The following UBXN11 variants were observed in gnomAD, a reference collection of about 807,000 sequenced individuals.
UBXN11 encodes UBX domain-containing protein 11.
In UBXN11, 47 loss-of-function variants were observed where a neutral mutation model predicts 62.8. The ratio of observed to expected loss-of-function variants is 0.75; its 90% CI spans 0.59 to 0.95. UBXN11 has a LOEUF of 0.95. UBXN11 is among the 40% of genes least tolerant of loss of function. The pLI, the probability that UBXN11 is intolerant of heterozygous loss-of-function variation, is 0.00. For synonymous variants in UBXN11, 294 were observed against 267.0 expected (o/e 1.10, Z -0.99); for missense variants, 638 against 661.7 (o/e 0.96, Z 0.39).
chr1:26,305,796 CCCTCTTACGCCATCTTG>C (rs1220483430), intron 1 of UBXN11, among the ~76,000 whole-genome samples: 2 of 152,174 alleles, frequency 1.3e-5, no homozygotes, highest in Non-Finnish European at 2.9e-5. Flanking sequence ...CTCCTTCCTT[CCCTCTTACGCCATCTTG>C]CCTCTTACAT....
intron 4 of UBXN11, among the ~76,000 whole-genome samples, chr1:26,300,142 C>T (rs2124664750): frequency 6.6e-6 from 1 of 152,270 alleles, no homozygotes; most frequent in Admixed American, 6.5e-5. Flanking sequence ...TGGAAGGGGC[C>T]TGAGGGAGAA....
In UBXN11 at chr1:26,312,979, C is replaced by CAAAAAAAAAAAA. The variant is rs55777309; in HGVS notation, c.-149+5056_-149+5067dup. 2.1e-4 allele frequency among the ~76,000 whole-genome samples: 10 copies of CAAAAAAAAAAAA among 48,146 alleles called. 1 individual carries two copies. The highest frequency in any genetic ancestry group is 7.1e-4 in the Admixed American group (2 of 2,820). 31.6% of individuals were successfully genotyped at this position (48,146 alleles called of 152,430 possible). On this transcript the variant is annotated intron_variant, in intron 1 of 14. Coordinates refer to the UBXN11 transcript ENST00000374217. The stretch of plus-strand genomic sequence containing the variant: ...GGGCAACAAGAGCAAAACTCTGTCT[C>CAAAAAAAAAAAA]AAAAAAAAAAAAAAAAAAAAAAAAA...
At position 26,284,268 on chromosome 1, in the gene UBXN11, G is replaced by C. The variant is rs751265338; in HGVS notation, c.974-23C>G. 5.6e-6 allele frequency: 9 copies of C among 1,607,172 alleles called. No homozygotes were observed. In the Admixed American group the frequency reaches 1.4e-4, roughly 24 times the overall value. ...AGCCTACAGGCAGAGTTGGGAACCG[G>C]GGCCCAGGAAGGACTATGAGTGGTG... On this transcript the variant is annotated intron_variant, in intron 11 of 14. Coordinates refer to ENST00000374222, the MANE Select transcript of UBXN11 (RefSeq NM_001389556.1).
intron 8 of UBXN11, among the ~76,000 whole-genome samples, chr1:26,286,844 A>C (rs1173544259): frequency 6.6e-6 from 1 of 152,068 alleles, no homozygotes; most frequent in East Asian, 1.9e-4. Flanking sequence ...GATTACAGGC[A>C]TGAGCCACCA....
chr1:26,301,963 C>A lies in UBXN11; in HGVS notation c.72-241G>T, dbSNP rs12082389. ...ATGGGGAAGGGGTGAAGAGCAGAGT[C>A]TTAGGTGGGAAGACTACAAGGCTTG... On this transcript the variant is annotated intron_variant, in intron 2 of 14. Transcript: ENST00000374222. Among the ~76,000 whole-genome samples, 31 of 152,288 alleles carry A rather than the reference C, an allele frequency of 2.0e-4. No homozygotes were observed. In the South Asian group the frequency reaches 6.4e-3, roughly 32 times the overall value.
chr1:26,289,155 A>T (rs1353681768), intron 8 of UBXN11, among the ~76,000 whole-genome samples: 1 of 152,108 alleles, frequency 6.6e-6, no homozygotes, highest in African/African-American at 2.4e-5. Context: ...ACTGGAGGGC[A>T]CTTCCGAGCT....
Position 26,313,664 on chromosome 1 carries a change from A to C in UBXN11, c.-149+4383T>G, listed in dbSNP as rs530110229. Among the ~76,000 whole-genome samples the C allele has an allele frequency of 3.9e-5, 6 of 152,072 alleles. No homozygotes were observed. In the South Asian group the frequency reaches 1.0e-3, roughly 26 times the overall value. The stretch of plus-strand genomic sequence containing the variant: ...CTTACGATCTTTACTTCACTTCACT[A>C]ATTTTCTCTTCAGTTGTGCCCAATC... On this transcript the variant is annotated intron_variant, in intron 1 of 14. Coordinates refer to the UBXN11 transcript ENST00000374217.
intron 7 of UBXN11, among the ~76,000 whole-genome samples, chr1:26,294,742 A>G (rs1467930743): frequency 5.3e-5 from 8 of 152,118 alleles, no homozygotes; most frequent in Admixed American, 6.5e-5. Context: ...GCTTGGCCGC[A>G]TGTCCCCTCT....
At chr1:26,300,875 G>A (rs1240166604) in intron 4 of UBXN11, 51 bp downstream of exon 4, 1 of 1,613,296 alleles carries the variant, frequency 6.2e-7, no homozygotes, top group African/African-American at 1.3e-5. Flanking sequence ...CCCCGTCTCT[G>A]GGGCCCCCTC....
chr1:26,303,840 G>A (rs985581555), intron 1 of UBXN11, among the ~76,000 whole-genome samples: 11 of 152,158 alleles, frequency 7.2e-5, no homozygotes, highest in Admixed American at 2.0e-4. Flanking sequence ...ACTGAAAAAT[G>A]TGAGTTGGGG....
intron 7 of UBXN11, among the ~76,000 whole-genome samples, chr1:26,295,388 C>T (rs1484098326): frequency 6.6e-6 from 1 of 152,180 alleles, no homozygotes; most frequent in African/African-American, 2.4e-5. Flanking sequence ...CTCACCCACA[C>T]CACCCAACCC....
At chr1:26,312,385 A>T (rs150537990) in intron 1 of UBXN11, among the ~76,000 whole-genome samples, 2,137 of 152,002 alleles carry the variant, frequency 0.014, 53 homozygotes, top group African/African-American at 0.049. Flanking sequence ...TGAGTAGCTG[A>T]GATTACAGGT....
At chr1:26,284,981 A>G (rs760373019) in intron 10 of UBXN11, 13 of 1,001,126 alleles carry the variant, frequency 1.3e-5, no homozygotes, top group Non-Finnish European at 1.5e-5. Context: ...TGCGGCACTA[A>G]CCCACCACCT....
chr1:26,315,088 G>GA (rs935441170), intron 1 of UBXN11, among the ~76,000 whole-genome samples: 13 of 150,412 alleles, frequency 8.6e-5, no homozygotes, highest in East Asian at 5.8e-4. Context: ...GACTCGAGGG[G>GA]AAAAAAAAAG....
chr1:26,294,789 C>T (rs1399008436), intron 7 of UBXN11, among the ~76,000 whole-genome samples: 1 of 152,178 alleles, frequency 6.6e-6, no homozygotes, highest in African/African-American at 2.4e-5. Context: ...CATGTCCACA[C>T]CCCGACTTCT....
chr1:26,294,194 C>A lies in UBXN11; in HGVS notation c.559+11G>T, dbSNP rs776678471. Reference sequence around the variant, plus strand: ...TTTTGAAGAGGGCCTGGGGCAGACGCCCTGCTCTACCTGGCTTCCAGAACT... The same window carrying A: ...TTTTGAAGAGGGCCTGGGGCAGACGACCTGCTCTACCTGGCTTCCAGAACT... On this transcript the variant is annotated intron_variant, in intron 8 of 14. Transcript: ENST00000374222. 29 of 1,613,706 alleles carry A rather than the reference C, an allele frequency of 1.8e-5. No homozygotes were observed. Among genetic ancestry groups the A allele is most frequent in the Non-Finnish European group, 2.5e-5 (29 of 1,179,736 alleles).
At chr1:26,298,980 T>G (rs888670644) in intron 4 of UBXN11, among the ~76,000 whole-genome samples, 1 of 152,140 alleles carries the variant, frequency 6.6e-6, no homozygotes, top group African/African-American at 2.4e-5. Flanking sequence ...GAGCCCCTGA[T>G]GATGTCTTGG....
At position 26,285,462 on chromosome 1, in the gene UBXN11, A is replaced by G; in HGVS notation, c.852+2T>C. Reference sequence around the variant, plus strand: ...GGTGTGGTTTGAGGAGCAGCTTATCACCTTAAAGGGGACCCCATTGGGGTA... The same window carrying G: ...GGTGTGGTTTGAGGAGCAGCTTATCGCCTTAAAGGGGACCCCATTGGGGTA... On this transcript the variant is annotated splice_donor_variant, in intron 10 of 14. Transcript: ENST00000374222. LOFTEE classifies it high-confidence loss of function. 2 of 1,610,762 alleles carry G rather than the reference A, an allele frequency of 1.2e-6. No individual in the cohort carries two copies. The highest frequency in any genetic ancestry group is 3.4e-4 in the Middle Eastern group (2 of 5,894).
intron 4 of UBXN11, among the ~76,000 whole-genome samples, chr1:26,300,579 G>A (rs950463900): frequency 1.3e-5 from 2 of 152,194 alleles, no homozygotes; most frequent in African/African-American, 4.8e-5. Context: ...CTGTCTAGGC[G>A]ACTTTGGGCC....
Sources: allele counts gnomAD v4.1 joint callset (sites outside exome capture counted in the v4.1 genomes callset), GRCh38; gene constraint gnomAD v4.1.1; transcripts MANE v1.5; gene names NCBI Gene and HGNC (gene_info 2026-07-23, HGNC 2026-07-21).